RGS5: variants seen among roughly 807,000 people sequenced by gnomAD.
The protein encoded by RGS5 is regulator of G protein signaling 5.
A neutral mutation model predicts 18.9 loss-of-function variants in RGS5; 20 were observed. That is an observed-to-expected ratio of 1.06 (90% confidence interval 0.74 to 1.54). The LOEUF (loss-of-function observed/expected upper bound fraction) is 1.54. RGS5 is among the 40% of genes most tolerant of loss of function. The pLI, the probability that RGS5 is intolerant of heterozygous loss-of-function variation, is 0.00. For synonymous variants in RGS5, 57 were observed against 76.2 expected (o/e 0.75, Z 1.31); for missense variants, 201 against 211.8 (o/e 0.95, Z 0.32).
chr1:163,223,711 C>T (rs746766716), intron 2 of RGS5, among the ~76,000 whole-genome samples: 2 of 152,036 alleles, frequency 1.3e-5, no homozygotes, highest in African/African-American at 2.4e-5. Flanking sequence ...AGACATAAGC[C>T]AAGGTTATAT....
chr1:163,231,251 C>G (rs1647473899), intron 2 of RGS5, among the ~76,000 whole-genome samples: 1 of 152,180 alleles, frequency 6.6e-6, no homozygotes, highest in Non-Finnish European at 1.5e-5. Context: ...TGTAATAATC[C>G]TGTGCATTTG....
At chr1:163,275,741 G>A (rs563830790) in intron 2 of RGS5, among the ~76,000 whole-genome samples, 21 of 152,066 alleles carry the variant, frequency 1.4e-4, no homozygotes, top group Non-Finnish European at 4.4e-5. Flanking sequence ...GCAGAAATAG[G>A]GCTAATTTGA....
intron 2 of RGS5, among the ~76,000 whole-genome samples, chr1:163,283,849 C>G (rs1212945878): frequency 6.6e-6 from 1 of 152,152 alleles, no homozygotes; most frequent in Admixed American, 6.5e-5. Flanking sequence ...AGATGAAACT[C>G]TGTCAATAAT....
chr1:163,192,535 G>A (rs1333893514), intron 1 of RGS5, among the ~76,000 whole-genome samples: 1 of 152,150 alleles, frequency 6.6e-6, no homozygotes, highest in East Asian at 1.9e-4. Context: ...TCATCTTTGT[G>A]AAAGAAAAAT....
intron 1 of RGS5, among the ~76,000 whole-genome samples, chr1:163,209,327 A>C (rs1660045028): frequency 6.6e-6 from 1 of 152,112 alleles, no homozygotes; most frequent in South Asian, 2.1e-4. Flanking sequence ...ATTATGCGAG[A>C]TTGGTAGTGT....
At chr1:163,290,142 C>T (rs1649244367) in intron 2 of RGS5, among the ~76,000 whole-genome samples, 1 of 152,164 alleles carries the variant, frequency 6.6e-6, no homozygotes, top group Admixed American at 6.5e-5. Flanking sequence ...CTCTCATGCC[C>T]TGTGTAAATC....
At chr1:163,175,807 A>C (rs1041637297) in intron 1 of RGS5, among the ~76,000 whole-genome samples, 2 of 152,214 alleles carry the variant, frequency 1.3e-5, no homozygotes, top group Non-Finnish European at 2.9e-5. Context: ...ATGATGGAAA[A>C]TGACTCTATG....
chr1:163,264,279 T>C (rs2101707813), intron 2 of RGS5, among the ~76,000 whole-genome samples: 1 of 152,266 alleles, frequency 6.6e-6, no homozygotes, highest in Middle Eastern at 3.4e-3. Context: ...GGGCTTGAAT[T>C]CCAGCTCTGT....
chr1:163,300,790 AG>A, intron 2 of RGS5: 1 of 152,342 alleles, frequency 6.6e-6, no homozygotes, highest in African/African-American at 2.4e-5. Context: ...AAATCTCTCA[AG>A]GGCTAGTCTT....
intron 1 of RGS5, among the ~76,000 whole-genome samples, chr1:163,315,438 T>G (rs1322359898): frequency 6.6e-6 from 1 of 152,120 alleles, no homozygotes; most frequent in Non-Finnish European, 1.5e-5. Context: ...CAAAAAATTT[T>G]AAGAATATCT....
In RGS5 at chr1:163,236,486, C is replaced by T. The variant is rs187473604; in HGVS notation, c.-280-68118G>A. Reference sequence around the variant, plus strand: ...AAATGTGAATGGCAGCCCCTAAAATCGCACAGTGCAAATTCTGCATAACTA... The same window carrying T: ...AAATGTGAATGGCAGCCCCTAAAATTGCACAGTGCAAATTCTGCATAACTA... On this transcript the variant is annotated intron_variant, in intron 2 of 5. Transcript: ENST00000618415. 8.1e-4 allele frequency among the ~76,000 whole-genome samples: 124 copies of T among 152,214 alleles called. 1 individual carries two copies. Among genetic ancestry groups the T allele is most frequent in the East Asian group, 6.0e-3 (31 of 5,168 alleles).
chr1:163,265,667 G>A (rs1053253648), intron 2 of RGS5, among the ~76,000 whole-genome samples: 1 of 151,750 alleles, frequency 6.6e-6, no homozygotes, highest in Non-Finnish European at 1.5e-5. Flanking sequence ...CACTCTTCAG[G>A]GTTCTGTTCC....
intron 2 of RGS5, among the ~76,000 whole-genome samples, chr1:163,278,389 G>T (rs1246572408): frequency 6.6e-6 from 1 of 152,042 alleles, no homozygotes; most frequent in Non-Finnish European, 1.5e-5. Flanking sequence ...CTATCCTTCA[G>T]AAATGGAGAA....
intron 2 of RGS5, among the ~76,000 whole-genome samples, chr1:163,232,929 T>C (rs184751520): frequency 1.3e-5 from 2 of 152,346 alleles, no homozygotes; most frequent in African/African-American, 4.8e-5. Flanking sequence ...TTAACATCGA[T>C]AAAATAATAC....
chr1:163,268,699 A>G (rs1648636274), intron 2 of RGS5, among the ~76,000 whole-genome samples: 1 of 152,020 alleles, frequency 6.6e-6, no homozygotes, highest in Non-Finnish European at 1.5e-5. Flanking sequence ...AAATTACTCA[A>G]ACTATCCAAT....
At chr1:163,159,819 CAT>C (rs1478209057) in intron 3 of RGS5, among the ~76,000 whole-genome samples, 1 of 152,176 alleles carries the variant, frequency 6.6e-6, no homozygotes, top group South Asian at 2.1e-4. Flanking sequence ...CATATATACA[CAT>C]ATATAATTTC....
chr1:163,233,490 A>G (rs1343628129), intron 2 of RGS5, among the ~76,000 whole-genome samples: 1 of 152,234 alleles, frequency 6.6e-6, no homozygotes, highest in East Asian at 1.9e-4. Context: ...CAGCCACATT[A>G]TTTTAAAATA....
chr1:163,268,587 A>T (rs1571330176), intron 2 of RGS5, among the ~76,000 whole-genome samples: 4 of 152,050 alleles, frequency 2.6e-5, no homozygotes, highest in South Asian at 2.1e-4. Context: ...TCTATGTTTT[A>T]TCAAACTCTC....
chr1:163,236,960 CAA>C (rs36104212), intron 2 of RGS5, among the ~76,000 whole-genome samples: 4 of 127,060 alleles, frequency 3.1e-5, no homozygotes, highest in African/African-American at 2.9e-5. Flanking sequence ...GACTGTGTCT[CAA>C]AAAAAAAAAA....
Sources: gnomAD v4.1 joint callset for allele counts (sites outside exome capture counted in the v4.1 genomes callset) on GRCh38, gnomAD v4.1.1 for gene constraint, MANE v1.5 for transcripts, NCBI Gene and HGNC (gene_info 2026-07-23, HGNC 2026-07-21) for gene names.